Variants in GRB14 observed in about 807,000 individuals in gnomAD.
The protein encoded by GRB14 is growth factor receptor-bound protein 14.
In GRB14, 38 loss-of-function variants were observed where a neutral mutation model predicts 69.1. The observed-to-expected ratio is 0.55, with a 90% CI of 0.42 to 0.72. The LOEUF is 0.72. GRB14 is among the 30% of genes least tolerant of loss of function. The pLI is 0.00. For synonymous variants in GRB14, 247 were observed against 241.3 expected (o/e 1.02, Z -0.22); for missense variants, 666 against 666.1 (o/e 1.00, Z 0.00).
intron 8 of GRB14, among the ~76,000 whole-genome samples, chr2:164,506,935 A>T (rs530047282): frequency 2.7e-5 from 4 of 149,710 alleles, no homozygotes; most frequent in Non-Finnish European, 5.9e-5. Flanking sequence ...AAATCCACAC[A>T]GACAGAGGCA....
intron 8 of GRB14, among the ~76,000 whole-genome samples, chr2:164,508,009 G>T (rs1343567738): frequency 6.6e-6 from 1 of 152,150 alleles, no homozygotes; most frequent in African/African-American, 2.4e-5. Flanking sequence ...AATAATTTGA[G>T]TCATGCTTAT....
chr2:164,597,311 T>A (rs1487342834), intron 2 of GRB14, among the ~76,000 whole-genome samples: 1 of 152,222 alleles, frequency 6.6e-6, no homozygotes, highest in East Asian at 1.9e-4. Context: ...CCCTCTTTCA[T>A]AGTGCAGATA....
intron 9 of GRB14, among the ~76,000 whole-genome samples, chr2:164,498,121 T>C (rs1686953532): frequency 6.6e-6 from 1 of 152,166 alleles, no homozygotes; most frequent in African/African-American, 2.4e-5. Flanking sequence ...AAATAAAATT[T>C]AGTGAAAGAA....
chr2:164,592,335 C>T (rs1195704769), intron 2 of GRB14, among the ~76,000 whole-genome samples: 1 of 152,088 alleles, frequency 6.6e-6, no homozygotes, highest in Non-Finnish European at 1.5e-5. Context: ...AGGGTTTCAC[C>T]ATGTTAGCCA....
Position 164,502,296 on chromosome 2 carries a change from G to T in GRB14, c.1063C>A (p.Gln355Lys). The T allele has an allele frequency of 6.2e-7, 1 of 1,606,518 alleles. No individual in the cohort carries two copies. The highest frequency in any genetic ancestry group is 8.5e-7 in the Non-Finnish European group (1 of 1,173,730). ...TGTGAACTGCAGCCACTTCTACCTT[G>T]ATATGGATGCATATAATTCTGGTAC... ...QLYQNYMHPYQGRSGCSSQSI... is the reference protein window; with the variant it reads ...QLYQNYMHPYKGRSGCSSQSI... Residue 355 changes from glutamine (Q) to lysine (K), a missense_variant, in exon 9 of 14, where the codon CAA becomes AAA. Transcript: ENST00000263915.
At chr2:164,552,189 C>G (rs1243779662) in intron 2 of GRB14, among the ~76,000 whole-genome samples, 1 of 152,180 alleles carries the variant, frequency 6.6e-6, no homozygotes, top group African/African-American at 2.4e-5. Flanking sequence ...CCAACATTGG[C>G]GATCAAATTT....
intron 3 of GRB14, among the ~76,000 whole-genome samples, chr2:164,528,392 ACT>A (rs1687836360): frequency 6.6e-6 from 1 of 151,820 alleles, no homozygotes; most frequent in South Asian, 2.1e-4. Context: ...GAATATGGAA[ACT>A]CTCTGCTGTT....
At chr2:164,526,900 T>C in intron 4 of GRB14, 114 bp downstream of exon 4, 2 of 567,010 alleles carry the variant, frequency 3.5e-6, no homozygotes, top group Non-Finnish European at 2.9e-6. Flanking sequence ...GACCAGAGTC[T>C]TCATCTACAA....
Position 164,569,494 on chromosome 2 carries a change from C to T in GRB14, c.325-21678G>A, listed in dbSNP as rs562945040. ...TTCAATCCTGACCCACTGCCTTCAG[C>T]GGGAGAAGAACTGGTAATTTCCAGA... is the stretch of plus-strand genomic sequence containing the variant. On this transcript the variant is annotated intron_variant, in intron 2 of 13. Transcript: ENST00000263915. 1.7e-4 allele frequency among the ~76,000 whole-genome samples: 26 copies of T among 152,232 alleles called. No individual in the cohort carries two copies. In the South Asian group the frequency reaches 3.3e-3, roughly 19 times the overall value.
At chr2:164,530,795 T>C (rs556125499) in intron 3 of GRB14, among the ~76,000 whole-genome samples, 24 of 152,308 alleles carry the variant, frequency 1.6e-4, no homozygotes, top group African/African-American at 5.3e-4. Context: ...CTGCAGTCTA[T>C]AGTAAGGGCT....
At chr2:164,600,350 A>G (rs560702081) in intron 2 of GRB14, among the ~76,000 whole-genome samples, 78 of 152,352 alleles carry the variant, frequency 5.1e-4, no homozygotes, top group African/African-American at 1.8e-3. Flanking sequence ...ACAGATGTAG[A>G]CAATGGTTAT....
intron 3 of GRB14, among the ~76,000 whole-genome samples, chr2:164,536,896 C>T (rs1390806113): frequency 6.6e-6 from 1 of 152,194 alleles, no homozygotes; most frequent in Non-Finnish European, 1.5e-5. Flanking sequence ...GAAGCATCAC[C>T]TCCCAGGACA....
rs200247984 is a variant in GRB14 at position 164,527,048 on chromosome 2, T to C, written c.569A>G (p.Asn190Ser). 1.7e-5 allele frequency: 27 copies of C among 1,599,928 alleles called. No individual in the cohort carries two copies. The East Asian group carries it at 5.9e-4, about 35-fold the overall frequency. The change falls in exon 4 of 14, where the codon AAT becomes AGT. Residue 190 changes from asparagine (N) to serine (S), a missense_variant. Coordinates refer to ENST00000263915, the MANE Select transcript of GRB14 (RefSeq NM_004490.3). ...EEENKLYFRK[N>S]YAKYEFFKNP... ...TTTAAAGAACTCATATTTGGCATAA[T>C]TTTTTCTAAAGTATAGTTTGTTTTC... is the stretch of plus-strand genomic sequence containing the variant.
chr2:164,589,074 G>A (rs2105344348), intron 2 of GRB14, among the ~76,000 whole-genome samples: 1 of 152,178 alleles, frequency 6.6e-6, no homozygotes, highest in South Asian at 2.1e-4. Context: ...ATTTTTTGTA[G>A]GTTGAATGTA....
At chr2:164,575,865 A>G (rs1689240665) in intron 2 of GRB14, among the ~76,000 whole-genome samples, 1 of 152,164 alleles carries the variant, frequency 6.6e-6, no homozygotes. Flanking sequence ...AAAAATCTAT[A>G]AATTGGAAAA....
intron 2 of GRB14, among the ~76,000 whole-genome samples, chr2:164,608,698 T>C (rs1198939869): frequency 6.6e-6 from 1 of 152,172 alleles, no homozygotes; most frequent in Non-Finnish European, 1.5e-5. Context: ...ACTGTACATT[T>C]TCACCATTGG....
At chr2:164,567,706 C>T (rs932688208) in intron 2 of GRB14, among the ~76,000 whole-genome samples, 1 of 152,050 alleles carries the variant, frequency 6.6e-6, no homozygotes, top group Non-Finnish European at 1.5e-5. Context: ...TTACAAAAAA[C>T]TAATAAATAA....
chr2:164,588,248 A>C (rs961390774), intron 2 of GRB14, among the ~76,000 whole-genome samples: 2 of 152,194 alleles, frequency 1.3e-5, no homozygotes, highest in Non-Finnish European at 2.9e-5. Flanking sequence ...AAAACTAACA[A>C]TATTGCCCAG....
chr2:164,541,581 C>T (rs1219356159), intron 3 of GRB14, among the ~76,000 whole-genome samples: 2 of 151,672 alleles, frequency 1.3e-5, no homozygotes, highest in Admixed American at 6.6e-5. Context: ...CACCACTGCA[C>T]TCCACCTCAG....
Sources: gnomAD v4.1 joint callset for allele counts (sites outside exome capture counted in the v4.1 genomes callset) on GRCh38, gnomAD v4.1.1 for gene constraint, MANE v1.5 for transcripts, NCBI Gene and HGNC (gene_info 2026-07-23, HGNC 2026-07-21) for gene names.